Variants in DNAAF4 observed in about 807,000 individuals in gnomAD.
DNAAF4 encodes dynein assembly factor 4, axonemal.
Under a neutral mutation model 51.8 loss-of-function variants are expected in DNAAF4, and 43 were observed. The observed-to-expected ratio is 0.83, with a 90% CI of 0.65 to 1.07. DNAAF4 has a LOEUF of 1.07. DNAAF4 is among the 50% of genes least tolerant of loss of function. The pLI, the probability that DNAAF4 is intolerant of heterozygous loss-of-function variation, is 0.00. For missense variants in DNAAF4, 581 were observed against 493.0 expected, an observed-to-expected ratio of 1.18 and a Z score of -1.69; for synonymous variants, 194 against 165.6, an observed-to-expected ratio of 1.17 and a Z score of -1.32.
rs1182781511 is a variant in DNAAF4 at position 55,491,196 on chromosome 15, G to A, written c.332C>T (p.Ala111Val). The change falls in exon 4 of 10, where the codon GCA becomes GTA. Residue 111 changes from alanine (A) to valine (V), a missense_variant. Physicochemically the swap from Ala to Val is moderately conservative, Grantham distance 64. Transcript: ENST00000321149. ...EKSILQAQERAKEATEAKAAA... is the reference protein window; with the variant it reads ...EKSILQAQERVKEATEAKAAA... ...AGCTTTTGCTTCTGTAGCTTCTTTT[G>A]CTCTCTCTTGTGCTTGTAAAATAGA... 6.2e-6 allele frequency: 10 copies of A among 1,613,630 alleles called. No individual in the cohort carries two copies. Among genetic ancestry groups the A allele is most frequent in the Non-Finnish European group, 8.5e-6 (10 of 1,179,956 alleles).
chr15:55,461,715 C>T, intron 5 of DNAAF4, among the ~76,000 whole-genome samples: 1 of 151,958 alleles, frequency 6.6e-6, no homozygotes, highest in South Asian at 2.1e-4. Flanking sequence ...AATCTAGGCT[C>T]ACACATCAAG....
At chr15:55,484,104 A>T (rs1029553520) in intron 4 of DNAAF4, among the ~76,000 whole-genome samples, 4 of 152,024 alleles carry the variant, frequency 2.6e-5, no homozygotes, top group Non-Finnish European at 4.4e-5. Flanking sequence ...GTTAGTGAGA[A>T]TGGGAGAAAC....
intron 4 of DNAAF4, among the ~76,000 whole-genome samples, chr15:55,489,213 T>C (rs915774342): frequency 6.6e-6 from 1 of 152,204 alleles, no homozygotes; most frequent in African/African-American, 2.4e-5. Flanking sequence ...TTTTATTATT[T>C]CAGTGAATAT....
intron 5 of DNAAF4, among the ~76,000 whole-genome samples, chr15:55,452,244 T>TAAAAAAAAAAAAA (rs57692277): frequency 3.7e-5 from 2 of 53,620 alleles, no homozygotes; most frequent in Non-Finnish European, 6.1e-5. Flanking sequence ...CATGTCTCAC[T>TAAAAAAAAAAAAA]AAAAAAAAAA....
chr15:55,429,521 G>GA (rs771397536), downstream of DNAAF4, among the ~76,000 whole-genome samples: 29,928 of 89,112 alleles, frequency 0.34, 4,650 homozygotes, highest in Non-Finnish European at 0.44. Context: ...TGTGTCTCAA[G>GA]AAAAAAAAAA....
At chr15:55,505,791 T>C (rs1302299876) in intron 1 of DNAAF4, among the ~76,000 whole-genome samples, 3 of 152,102 alleles carry the variant, frequency 2.0e-5, no homozygotes, top group East Asian at 1.9e-4. Context: ...GGGGGAGGGA[T>C]AGCGTTAGGA....
At chr15:55,461,234 A>G (rs1368742005) in intron 5 of DNAAF4, among the ~76,000 whole-genome samples, 1 of 151,628 alleles carries the variant, frequency 6.6e-6, no homozygotes, top group African/African-American at 2.4e-5. Context: ...ACGCCTGGCT[A>G]ATTTTTTGTA....
intron 7 of DNAAF4, among the ~76,000 whole-genome samples, chr15:55,419,721 G>C (rs1391776081): frequency 1.3e-5 from 2 of 152,176 alleles, no homozygotes. Flanking sequence ...TATTGGCCGG[G>C]TGCGGTGGCT....
At position 55,449,847 on chromosome 15, in the gene DNAAF4, C is replaced by T. The variant is rs111689486; in HGVS notation, c.783+375G>A. 2.0e-5 allele frequency among the ~76,000 whole-genome samples: 3 copies of T among 151,594 alleles called. No individual in the cohort carries two copies. In the South Asian group the frequency reaches 6.3e-4, roughly 32 times the overall value. ...GCTAGTAGCTGCGATCACAGGTGCT[C>T]GCCACCACGCCAGGCTAATTTTTGT... On this transcript the variant is annotated intron_variant, in intron 6 of 9. Coordinates refer to ENST00000321149, the MANE Select transcript of DNAAF4 (RefSeq NM_130810.4).
chr15:55,455,413 T>TATATA (rs2058004968), intron 5 of DNAAF4, among the ~76,000 whole-genome samples: 4 of 141,754 alleles, frequency 2.8e-5, no homozygotes, highest in Admixed American at 7.1e-5. Context: ...TATATATATA[T>TATATA]TCAATCTAAA....
At chr15:55,441,292 G>C (rs1033091397) in intron 6 of DNAAF4, among the ~76,000 whole-genome samples, 2 of 140,852 alleles carry the variant, frequency 1.4e-5, no homozygotes, top group African/African-American at 5.3e-5. Context: ...GGCTGGTCTC[G>C]AACTCCCGAC....
At chr15:55,451,542 G>A (rs1057163812) in intron 5 of DNAAF4, among the ~76,000 whole-genome samples, 1 of 151,752 alleles carries the variant, frequency 6.6e-6, no homozygotes, top group Non-Finnish European at 1.5e-5. Context: ...CCAGGAGTGG[G>A]GAATTTGAGA....
chr15:55,421,922 T>G (rs2057391918), intron 7 of DNAAF4, among the ~76,000 whole-genome samples: 1 of 146,986 alleles, frequency 6.8e-6, no homozygotes. Flanking sequence ...ATAATAATAA[T>G]AATAATAATA....
downstream of DNAAF4, among the ~76,000 whole-genome samples, chr15:55,429,521 GAA>G (rs771397536): frequency 5.6e-5 from 5 of 89,330 alleles, no homozygotes; most frequent in Admixed American, 1.2e-4. Flanking sequence ...TGTGTCTCAA[GAA>G]AAAAAAAAAA....
chr15:55,491,381 A>C, intron 3 of DNAAF4, 125 bp from the exon 4 acceptor site: 1 of 994,042 alleles, frequency 1.0e-6, no homozygotes, highest in South Asian at 1.8e-5. Flanking sequence ...GGAACATGGA[A>C]AATATTTTTC....
chr15:55,467,236 ATAAT>A, intron 4 of DNAAF4, 75 bp from the exon 5 acceptor site: 1 of 1,279,808 alleles, frequency 7.8e-7, no homozygotes, highest in Non-Finnish European at 1.1e-6. Context: ...ATTCATTACA[ATAAT>A]TAGTTATTCA....
At position 55,465,564 on chromosome 15, in the gene DNAAF4, CT is replaced by C. The variant is rs76254398; in HGVS notation, c.637+1365del. On this transcript the variant is annotated intron_variant, in intron 5 of 9. Transcript: ENST00000321149. ...GAAAACCAAATACCATATGTTCTCACTTTTTTTTTTTTTTTTTTTGAGACAG... is the reference window on the plus strand; with the variant it reads ...GAAAACCAAATACCATATGTTCTCACTTTTTTTTTTTTTTTTTTGAGACAG... Among the ~76,000 whole-genome samples, 958 of 131,576 alleles carry C rather than the reference CT, an allele frequency of 7.3e-3. 4 individuals carry two copies. Among genetic ancestry groups the C allele is most frequent in the African/African-American group, 0.02 (699 of 35,586 alleles). The allele number at this position is 131,576 out of a possible 152,430, so 86.3% of individuals were successfully genotyped here. A position where few individuals can be genotyped will look rare whatever the true frequency, so the allele number is the denominator to read the frequency against.
intron 1 of DNAAF4, among the ~76,000 whole-genome samples, chr15:55,507,053 G>A (rs1411328080): frequency 3.3e-5 from 5 of 152,024 alleles, no homozygotes; most frequent in Non-Finnish European, 7.4e-5. Flanking sequence ...GTTTCACCAT[G>A]TTGGCCAGGC....
rs572843711 is a variant in DNAAF4 at position 55,486,760 on chromosome 15, G to A, written c.405+4363C>T. Among the ~76,000 whole-genome samples the A allele has an allele frequency of 6.0e-5, 9 of 150,576 alleles. No homozygotes were observed. The East Asian group carries it at 1.8e-3, about 29-fold the overall frequency. ...TGCGCCATTTTGCATTCCAGCCTGG[G>A]CAACAGACCCTGTCTCAAAAAAAAA... On this transcript the variant is annotated intron_variant, in intron 4 of 9. Transcript: ENST00000321149.
Sources: allele counts gnomAD v4.1 joint callset (sites outside exome capture counted in the v4.1 genomes callset), GRCh38; gene constraint gnomAD v4.1.1; transcripts MANE v1.5; gene names NCBI Gene and HGNC (gene_info 2026-07-23, HGNC 2026-07-21).